Variants in TUBGCP5 observed in about 807,000 individuals in gnomAD.
TUBGCP5 encodes the protein gamma-tubulin complex component 5.
TUBGCP5 carries 98 observed loss-of-function variants against 134.7 expected under a neutral mutation model. That is an observed-to-expected ratio of 0.73 (90% CI 0.62 to 0.86). The LOEUF (loss-of-function observed/expected upper bound fraction) is 0.86. Ranked by LOEUF, TUBGCP5 falls within the 40% of genes least tolerant of loss-of-function variation. The pLI is 0.00. For missense variants in TUBGCP5, 1,150 were observed against 1,244.8 expected (o/e 0.92, Z 1.15); for synonymous variants, 456 against 431.4 (o/e 1.06, Z -0.71).
At chr15:23,032,115 G>T in intron 4 of TUBGCP5, 86 bp from the exon 5 acceptor site, 4 of 845,958 alleles carry the variant, frequency 4.7e-6, no homozygotes, top group South Asian at 2.0e-5. Flanking sequence ...AGACTAACAA[G>T]ACTCAAAATA....
At chr15:23,017,712 AAGAGCG>A (rs752521248) in intron 13 of TUBGCP5, 55 bp downstream of exon 13, 10 of 1,505,634 alleles carry the variant, frequency 6.6e-6, no homozygotes, top group Non-Finnish European at 8.9e-6. Context: ...TCAGGATGAC[AAGAGCG>A]AGTAGGGTCA....
chr15:22,988,292 A>G (rs1426589655), intron 23 of TUBGCP5, among the ~76,000 whole-genome samples: 1 of 151,984 alleles, frequency 6.6e-6, no homozygotes, highest in Non-Finnish European at 1.5e-5. Context: ...ACACAGAGGC[A>G]GAGATGGGAG....
rs1032331185 is a variant in TUBGCP5, at chr15:23,024,053, A to G, written c.1062T>C (p.Thr354=). The stretch of plus-strand genomic sequence containing the variant: ...CCTGGTAGGTTCTAAAGGGAGCTTC[A>G]GTTGACTTCTTAGGAACAGACCCAC... The part of the protein sequence containing the change: ...PGSGSVPKKS[T]EAPFRTYQAF... Residue 354 remains threonine (T), a synonymous_variant, in exon 10 of 23, where the codon ACT becomes ACC. Transcript: ENST00000615383. 3 of 1,614,072 alleles carry G rather than the reference A, an allele frequency of 1.9e-6. No homozygotes were observed. The highest frequency in any genetic ancestry group is 1.7e-6 in the Non-Finnish European group (2 of 1,180,022).
intron 1 of TUBGCP5, 74 bp downstream of exon 1, chr15:23,039,324 C>T: frequency 1.6e-6 from 2 of 1,250,374 alleles, no homozygotes; most frequent in South Asian, 3.3e-5. Context: ...CGCGCCCCGA[C>T]CCCGGGCTGT....
rs764032523 is a variant in TUBGCP5, at chr15:23,022,088, T to C, written c.1242A>G (p.Lys414=). ...PRLSQLKVLH[K]VFSTGVAEVP... ...CTTCTGCTACTCCAGTACTAAACAC[T>C]TTGTGCAGAACCTTGAGCTGAGACA... The change falls in exon 11 of 23, where the codon AAA becomes AAG. Residue 414 remains lysine (K), a synonymous_variant. Transcript: ENST00000615383. 4 of 1,614,174 alleles carry C rather than the reference T, an allele frequency of 2.5e-6. No individual in the cohort carries two copies. The South Asian group carries it at 4.4e-5, about 18-fold the overall frequency.
In TUBGCP5 at chr15:23,008,588, T is replaced by G. The variant is rs529325264; in HGVS notation, c.2327+111A>C. ...TTTCTAATAAGTAAAATAATATTAG[T>G]AAAACTCATAGGAATAGTGAGGATA... On this transcript the variant is annotated intron_variant, in intron 16 of 22. Transcript: ENST00000615383. 5.3e-6 allele frequency: 7 copies of G among 1,315,940 alleles called. No homozygotes were observed. The African/African-American group carries it at 1.0e-4, about 19-fold the overall frequency. The allele number at this position is 1,315,940 out of a possible 1,614,324, so 81.5% of individuals were successfully genotyped here.
intron 14 of TUBGCP5, 111 bp from the exon 15 acceptor site, chr15:23,010,244 T>C: frequency 8.5e-7 from 1 of 1,176,716 alleles, no homozygotes; most frequent in South Asian, 1.6e-5. Context: ...TTACCAACTA[T>C]TACAGAAAGA....
Position 23,011,287 on chromosome 15 carries a change from G to A in TUBGCP5, c.1801C>T (p.Gln601Ter). The A allele has an allele frequency of 1.2e-6, 2 of 1,613,734 alleles. No homozygotes were observed. Among genetic ancestry groups the A allele is most frequent in the South Asian group, 1.1e-5 (1 of 91,018 alleles). Reference sequence around the variant, plus strand: ...TCTTCTCCATGTCGAAGACGGGACTGTACAGATTCCAGAAAGAGAGTGTAT... The same window carrying A: ...TCTTCTCCATGTCGAAGACGGGACTATACAGATTCCAGAAAGAGAGTGTAT... ...SLYTLFLESV[Q>*]SRLRHGEDST... Residue 601 changes from glutamine to a stop codon, truncating the protein, a stop_gained, in exon 14 of 23, where the codon CAG (glutamine) becomes TAG (stop). Coordinates refer to ENST00000615383, the MANE Select transcript of TUBGCP5 (RefSeq NM_052903.6). LOFTEE classifies it high-confidence loss of function.
chr15:22,984,809 A>G (rs181630921), intron 23 of TUBGCP5, among the ~76,000 whole-genome samples: 1 of 152,276 alleles, frequency 6.6e-6, no homozygotes, highest in East Asian at 1.9e-4. Flanking sequence ...GAATAATTTT[A>G]TAACGGTAGA....
At chr15:23,030,205 A>AT (rs2066226903) in intron 6 of TUBGCP5, among the ~76,000 whole-genome samples, 2 of 152,224 alleles carry the variant, frequency 1.3e-5, no homozygotes, top group Admixed American at 1.3e-4. Flanking sequence ...CCAAAAAAAA[A>AT]GAAAAGGAGC....
chr15:23,022,853 A>G (rs1217212971), intron 10 of TUBGCP5, among the ~76,000 whole-genome samples: 1 of 152,186 alleles, frequency 6.6e-6, no homozygotes, highest in Admixed American at 6.6e-5. Context: ...TCAAAATGAA[A>G]TTTAAGGGGA....
chr15:23,005,667 G>T, intron 18 of TUBGCP5, 57 bp from the exon 19 acceptor site: 1 of 1,517,048 alleles, frequency 6.6e-7, no homozygotes, highest in Non-Finnish European at 9.0e-7. Context: ...AAACCCCACT[G>T]CACCATGACG....
At chr15:23,003,949 G>A (rs993741467) in intron 20 of TUBGCP5, among the ~76,000 whole-genome samples, 153 bp downstream of exon 20, 3 of 152,070 alleles carry the variant, frequency 2.0e-5, no homozygotes, top group Admixed American at 6.6e-5. Flanking sequence ...CATTGTGGCC[G>A]GCCTGGGGCA....
intron 23 of TUBGCP5, among the ~76,000 whole-genome samples, chr15:22,984,819 A>G (rs1475486306): frequency 6.6e-6 from 1 of 152,176 alleles, no homozygotes; most frequent in African/African-American, 2.4e-5. Context: ...ATAACGGTAG[A>G]GTAGAGGAAG....
chr15:23,003,198 G>A, intron 20 of TUBGCP5, 45 bp from the exon 21 acceptor site: 3 of 1,561,244 alleles, frequency 1.9e-6, no homozygotes, highest in Non-Finnish European at 2.6e-6. Context: ...ACTAGGTTTG[G>A]ACACTGATAC....
At chr15:23,017,358 G>A (rs1407733511) in intron 13 of TUBGCP5, among the ~76,000 whole-genome samples, 2 of 152,124 alleles carry the variant, frequency 1.3e-5, no homozygotes, top group Non-Finnish European at 2.9e-5. Context: ...AAATGTTTGA[G>A]ATGATGGAAG....
chr15:22,993,220 C>T (rs2063908204), intron 23 of TUBGCP5, among the ~76,000 whole-genome samples: 1 of 151,922 alleles, frequency 6.6e-6, no homozygotes. Flanking sequence ...CTGCCTCAGC[C>T]TCCTAAGTAG....
chr15:23,012,529 C>A (rs1455026527), intron 13 of TUBGCP5, among the ~76,000 whole-genome samples: 1 of 152,060 alleles, frequency 6.6e-6, no homozygotes, highest in Non-Finnish European at 1.5e-5. Flanking sequence ...GCCTCAGCCT[C>A]CTGAGTAGTG....
Position 23,008,847 on chromosome 15 carries a change from A to C in TUBGCP5, c.2179T>G (p.Phe727Val). The C allele has an allele frequency of 6.3e-7, 1 of 1,579,606 alleles. No homozygotes were observed. Among genetic ancestry groups the C allele is most frequent in the Non-Finnish European group, 8.5e-7 (1 of 1,169,962 alleles). Residue 727 changes from phenylalanine to valine, a missense_variant, in exon 16 of 23, where the codon TTC (phenylalanine) becomes GTC (valine). Phe to Val is a conservative substitution (Grantham distance 50). Coordinates refer to ENST00000615383, the MANE Select transcript of TUBGCP5 (RefSeq NM_052903.6). ...VEYLQAMRNF[F>V]LMEGGDTMYD... The stretch of plus-strand genomic sequence containing the variant: ...ATGGTATCTCCTCCTTCCATTAAGA[A>C]AAAATTCCTCATAGCTTGCAAGTAT...
Sources: allele counts gnomAD v4.1 joint callset (sites outside exome capture counted in the v4.1 genomes callset), GRCh38; gene constraint gnomAD v4.1.1; transcripts MANE v1.5; gene names NCBI Gene and HGNC (gene_info 2026-07-23, HGNC 2026-07-21).